The following OCA2 variants were observed in gnomAD, a reference collection of about 807,000 sequenced individuals.
The protein encoded by OCA2 is OCA2 melanosomal transmembrane protein.
A neutral mutation model predicts 100.2 loss-of-function variants in OCA2; 77 were observed. That is an observed-to-expected ratio of 0.77 (90% CI 0.64 to 0.93). OCA2 has a LOEUF of 0.93. Among genes scored for constraint, OCA2 ranks in the 40% least tolerant of loss-of-function variants. The pLI is 0.00. For synonymous variants in OCA2, 432 were observed against 439.2 expected, an observed-to-expected ratio of 0.98 and a Z score of 0.21; for missense variants, 1,062 against 1,089.1, an observed-to-expected ratio of 0.98 and a Z score of 0.35.
the OCA2 span, among the ~76,000 whole-genome samples, chr15:27,744,366 G>A: frequency 6.6e-6 from 1 of 152,208 alleles, no homozygotes; most frequent in Non-Finnish European, 1.5e-5. Flanking sequence ...AGGCAGGGAT[G>A]GAGAAAGCAA....
At chr15:27,840,900 A>G (rs113363550) in intron 23 of OCA2, among the ~76,000 whole-genome samples, 2,537 of 152,316 alleles carry the variant, frequency 0.017, 65 homozygotes, top group African/African-American at 0.056. Context: ...TGCTTTTGAC[A>G]CCAAAAACAC....
intron 2 of OCA2, among the ~76,000 whole-genome samples, chr15:28,049,223 A>T (rs1488957009): frequency 6.6e-6 from 1 of 152,246 alleles, no homozygotes; most frequent in Non-Finnish European, 1.5e-5. Context: ...GCACATAAAA[A>T]GATGCTCAAC....
At chr15:27,901,130 C>T (rs2037911360) in intron 19 of OCA2, among the ~76,000 whole-genome samples, 1 of 152,224 alleles carries the variant, frequency 6.6e-6, no homozygotes, top group African/African-American at 2.4e-5. Flanking sequence ...ACCAACATCA[C>T]CCCATATCAC....
intron 22 of OCA2, among the ~76,000 whole-genome samples, chr15:27,847,353 C>T (rs1013494416): frequency 6.6e-6 from 1 of 152,226 alleles, no homozygotes; most frequent in Admixed American, 6.5e-5. Flanking sequence ...TCTCCCTCCC[C>T]TCACAGGATG....
chr15:28,005,220 T>C (rs1353801317), intron 9 of OCA2, among the ~76,000 whole-genome samples: 2 of 152,004 alleles, frequency 1.3e-5, no homozygotes, highest in Admixed American at 1.3e-4. Context: ...TCCATGGAAA[T>C]GGCTGTGATT....
intron 2 of OCA2, among the ~76,000 whole-genome samples, chr15:28,047,819 G>A (rs1314928480): frequency 6.6e-6 from 1 of 152,136 alleles, no homozygotes; most frequent in East Asian, 1.9e-4. Flanking sequence ...GAAGGAAGAA[G>A]TAAAAATATC....
chr15:28,076,708 G>C, intron 2 of OCA2, among the ~76,000 whole-genome samples: 1 of 151,060 alleles, frequency 6.6e-6, no homozygotes, highest in Middle Eastern at 3.4e-3. Context: ...TTAGCCGGGC[G>C]CGGTGGCGGG....
chr15:28,042,506 G>A (rs1412301981), intron 2 of OCA2, among the ~76,000 whole-genome samples: 1 of 151,242 alleles, frequency 6.6e-6, no homozygotes, highest in Non-Finnish European at 1.5e-5. Flanking sequence ...TGGGCGTGGT[G>A]ATACACACCT....
intron 9 of OCA2, among the ~76,000 whole-genome samples, chr15:28,004,024 C>T (rs2042013247): frequency 6.6e-6 from 1 of 152,254 alleles, no homozygotes; most frequent in Non-Finnish European, 1.5e-5. Context: ...CCAGCCGCTG[C>T]CACCCAGGCC....
intron 23 of OCA2, among the ~76,000 whole-genome samples, chr15:27,793,757 TG>T (rs2033194441): frequency 6.6e-6 from 1 of 152,368 alleles, no homozygotes; most frequent in Admixed American, 6.5e-5. Flanking sequence ...AGGGCCTGCC[TG>T]GGGCGACTTT....
chr15:27,834,193 T>C (rs1312556101), intron 23 of OCA2, among the ~76,000 whole-genome samples: 2 of 152,126 alleles, frequency 1.3e-5, no homozygotes, highest in Admixed American at 1.3e-4. Context: ...ATTGAGCCAA[T>C]CACAAATGGC....
chr15:27,820,515 G>A (rs769918369), intron 23 of OCA2, among the ~76,000 whole-genome samples: 1 of 152,176 alleles, frequency 6.6e-6, no homozygotes, highest in Non-Finnish European at 1.5e-5. Context: ...ACACATGACC[G>A]ATAGACCTCA....
At chr15:27,847,516 G>A (rs557125654) in intron 22 of OCA2, among the ~76,000 whole-genome samples, 2 of 152,316 alleles carry the variant, frequency 1.3e-5, no homozygotes, top group African/African-American at 4.8e-5. Flanking sequence ...TGATACCAAA[G>A]CAGAGAGGAG....
At chr15:28,038,034 C>T (rs1398925207) in intron 2 of OCA2, among the ~76,000 whole-genome samples, 1 of 152,198 alleles carries the variant, frequency 6.6e-6, no homozygotes, top group Non-Finnish European at 1.5e-5. Flanking sequence ...ATCCCTATCT[C>T]CTCCCTTCGC....
At chr15:27,724,601 G>A in the OCA2 span, among the ~76,000 whole-genome samples, 8 of 152,054 alleles carry the variant, frequency 5.3e-5, no homozygotes, top group Admixed American at 2.0e-4. Flanking sequence ...GGCTTCATGC[G>A]AATGTTGCTG....
chr15:27,895,943 T>A, intron 19 of OCA2: 2 of 678,642 alleles, frequency 2.9e-6, no homozygotes, highest in Admixed American at 3.7e-5. Flanking sequence ...AGCATATGCA[T>A]GTGAACTACG....
At chr15:27,827,826 G>T (rs1010968656) in intron 23 of OCA2, among the ~76,000 whole-genome samples, 1 of 151,976 alleles carries the variant, frequency 6.6e-6, no homozygotes, top group Non-Finnish European at 1.5e-5. Context: ...ATGTAAATTC[G>T]AATTTCTGAA....
At chr15:27,907,169 A>G (rs2038209260) in intron 19 of OCA2, among the ~76,000 whole-genome samples, 1 of 152,250 alleles carries the variant, frequency 6.6e-6, no homozygotes, top group African/African-American at 2.4e-5. Context: ...TCCGTAAAGT[A>G]GAAATATTTT....
At chr15:27,736,173 A>G in the OCA2 span, among the ~76,000 whole-genome samples, 2 of 152,230 alleles carry the variant, frequency 1.3e-5, no homozygotes, top group African/African-American at 4.8e-5. Flanking sequence ...ATAAAATATT[A>G]AAATTATTAT....
Sources: gnomAD v4.1 joint callset for allele counts (sites outside exome capture counted in the v4.1 genomes callset) on GRCh38, gnomAD v4.1.1 for gene constraint, MANE v1.5 for transcripts, NCBI Gene and HGNC (gene_info 2026-07-23, HGNC 2026-07-21) for gene names.